The following DPP6 variants were observed in gnomAD, a reference collection of about 807,000 sequenced individuals.
DPP6 encodes dipeptidyl peptidase like 6.
DPP6 carries 69 observed loss-of-function variants against 122.6 expected under a neutral mutation model. The observed-to-expected ratio is 0.56, with a 90% CI of 0.46 to 0.69. The LOEUF (loss-of-function observed/expected upper bound fraction) is 0.69, where lower values mean the gene tolerates loss of function less well. DPP6 is among the 30% of genes least tolerant of loss of function. DPP6 has a pLI of 0.00. For missense variants in DPP6, 928 were observed against 1,116.9 expected, an observed-to-expected ratio of 0.83 and a Z score of 2.41; for synonymous variants, 418 against 433.1, an observed-to-expected ratio of 0.97 and a Z score of 0.43.
chr7:154,825,562 G>C (rs557057079), intron 16 of DPP6, among the ~76,000 whole-genome samples: 1 of 152,216 alleles, frequency 6.6e-6, no homozygotes, highest in African/African-American at 2.4e-5. Context: ...GTGAGGAAAA[G>C]AGAATGCTGC....
intron 1 of DPP6, among the ~76,000 whole-genome samples, chr7:153,993,220 A>G (rs1797265693): frequency 6.6e-6 from 1 of 152,178 alleles, no homozygotes; most frequent in South Asian, 2.1e-4. Flanking sequence ...GTAACCTAGC[A>G]GGGGTTTCAA....
chr7:154,167,323 A>T (rs1284342219), intron 1 of DPP6, among the ~76,000 whole-genome samples: 1 of 152,362 alleles, frequency 6.6e-6, no homozygotes, highest in East Asian at 1.9e-4. Context: ...CCAGTAGCTT[A>T]GCAAGTGGTA....
At chr7:154,191,245 C>G (rs999419986) in intron 1 of DPP6, among the ~76,000 whole-genome samples, 1 of 152,140 alleles carries the variant, frequency 6.6e-6, no homozygotes, top group African/African-American at 2.4e-5. Context: ...GATTTATAAA[C>G]GATTACATGG....
At chr7:154,471,462 G>T (rs1168745048) in intron 2 of DPP6, among the ~76,000 whole-genome samples, 1 of 152,008 alleles carries the variant, frequency 6.6e-6, no homozygotes, top group African/African-American at 2.4e-5. Flanking sequence ...TTTCATGAGA[G>T]ACCAGGGGTA....
chr7:154,830,042 A>G (rs531120037), intron 16 of DPP6, among the ~76,000 whole-genome samples: 25 of 152,266 alleles, frequency 1.6e-4, no homozygotes, highest in African/African-American at 5.5e-4. Flanking sequence ...GGCCGTCAAA[A>G]TCCTCACCTT....
intron 3 of DPP6, among the ~76,000 whole-genome samples, chr7:154,537,696 TA>T (rs1219601923): frequency 1.4e-5 from 1 of 69,098 alleles, no homozygotes; most frequent in Non-Finnish European, 3.2e-5. Context: ...GTCAAAAAAA[TA>T]AAAAAAGAAA....
At chr7:154,032,866 C>CCCCA (rs1447027957) in intron 1 of DPP6, among the ~76,000 whole-genome samples, 5 of 147,940 alleles carry the variant, frequency 3.4e-5, no homozygotes, top group African/African-American at 1.3e-4. Flanking sequence ...CCCATCCCCC[C>CCCCA]CTACCCCCTT....
intron 1 of DPP6, among the ~76,000 whole-genome samples, chr7:154,390,410 T>G (rs11561903): frequency 0.56 from 84,679 of 151,764 alleles, 27,211 homozygotes; most frequent in Non-Finnish European, 0.7. Flanking sequence ...AGAGTTTGAG[T>G]TTTTTTTATT....
chr7:154,369,020 C>T (rs1488683344), intron 1 of DPP6, among the ~76,000 whole-genome samples: 3 of 152,132 alleles, frequency 2.0e-5, no homozygotes, highest in East Asian at 1.9e-4. Flanking sequence ...TCCAGGCCTG[C>T]GCAATATCCA....
the DPP6 span, among the ~76,000 whole-genome samples, chr7:153,852,533 T>G: frequency 2.0e-5 from 3 of 151,904 alleles, no homozygotes. Context: ...CATGAGAAAC[T>G]ACCCTCATGA....
intron 1 of DPP6, among the ~76,000 whole-genome samples, chr7:154,406,400 A>G (rs1361412849): frequency 6.6e-6 from 1 of 151,714 alleles, no homozygotes; most frequent in Non-Finnish European, 1.5e-5. Context: ...GGGAAAAATT[A>G]GGAGTAGCCG....
rs139653223 is a variant in DPP6, at chr7:154,190,598, T to C, written c.243+137535T>C. ...GGAACTCAGCTGCAGTGTTGGTTTT[T>C]CTTTAAAGATTTTTTTCCCTTTCCC... On this transcript the variant is annotated intron_variant, in intron 1 of 25. Coordinates refer to ENST00000377770, the MANE Select transcript of DPP6 (RefSeq NM_130797.4). 4.5e-3 allele frequency among the ~76,000 whole-genome samples: 690 copies of C among 152,310 alleles called. 6 individuals carry two copies. Among genetic ancestry groups the C allele is most frequent in the African/African-American group, 0.016 (658 of 41,550 alleles).
Position 154,201,877 on chromosome 7 carries a change from C to G in DPP6, c.243+148814C>G, listed in dbSNP as rs576449780. ...CACTCTGAGATCTTGATCCAATTAC[C>G]TAAACTTCCTAGATCTGTTTTTTAA... On this transcript the variant is annotated intron_variant, in intron 1 of 25. Transcript: ENST00000377770. Among the ~76,000 whole-genome samples the G allele has an allele frequency of 6.6e-5, 10 of 152,340 alleles. No individual in the cohort carries two copies. The East Asian group carries it at 1.9e-3, about 29-fold the overall frequency.
At chr7:154,730,281 A>C (rs887955134) in intron 8 of DPP6, among the ~76,000 whole-genome samples, 1 of 152,116 alleles carries the variant, frequency 6.6e-6, no homozygotes, top group Admixed American at 6.5e-5. Flanking sequence ...TCAGAACATG[A>C]GTGGTTCAAA....
chr7:153,807,834 G>C, the DPP6 span, among the ~76,000 whole-genome samples: 1 of 151,930 alleles, frequency 6.6e-6, no homozygotes, highest in Admixed American at 6.6e-5. Flanking sequence ...ACGACGAATC[G>C]ATCTTGTGGC....
At chr7:154,199,105 G>A (rs978642552) in intron 1 of DPP6, among the ~76,000 whole-genome samples, 8 of 151,556 alleles carry the variant, frequency 5.3e-5, no homozygotes, top group African/African-American at 1.5e-4. Flanking sequence ...TTGGAGCCCT[G>A]GCCCCTGAGT....
intron 1 of DPP6, among the ~76,000 whole-genome samples, chr7:154,417,828 A>G (rs1817155301): frequency 6.6e-6 from 1 of 151,988 alleles, no homozygotes; most frequent in South Asian, 2.1e-4. Flanking sequence ...TCTTGCCTAA[A>G]CTCTTCAAAC....
At chr7:154,192,040 G>T (rs1798640793) in intron 1 of DPP6, among the ~76,000 whole-genome samples, 3 of 152,166 alleles carry the variant, frequency 2.0e-5, no homozygotes, top group Non-Finnish European at 4.4e-5. Context: ...GACAAGTGCT[G>T]GTGGATTTCT....
At chr7:154,787,190 G>C (rs906337694) in intron 10 of DPP6, among the ~76,000 whole-genome samples, 1 of 152,186 alleles carries the variant, frequency 6.6e-6, no homozygotes, top group Non-Finnish European at 1.5e-5. Context: ...AACCTATGCA[G>C]TATGGAAAAT....
Sources: gnomAD v4.1 joint callset for allele counts (sites outside exome capture counted in the v4.1 genomes callset) on GRCh38, gnomAD v4.1.1 for gene constraint, MANE v1.5 for transcripts, NCBI Gene and HGNC (gene_info 2026-07-23, HGNC 2026-07-21) for gene names.